DPP10: variants seen among roughly 807,000 people sequenced by gnomAD.
DPP10 encodes dipeptidyl peptidase like 10, also known as inactive dipeptidyl peptidase 10.
Under a neutral mutation model 120.9 loss-of-function variants are expected in DPP10, and 33 were observed. The observed-to-expected ratio is 0.27, with a 90% confidence interval of 0.21 to 0.37. The LOEUF (loss-of-function observed/expected upper bound fraction) is 0.37, where lower values mean the gene tolerates loss of function less well. Ranked by LOEUF, DPP10 falls within the 10% of genes least tolerant of loss-of-function variation. DPP10 has a pLI of 1.00. For synonymous variants in DPP10, 337 were observed against 326.1 expected, an observed-to-expected ratio of 1.03 and a Z score of -0.36; for missense variants, 816 against 942.8, an observed-to-expected ratio of 0.87 and a Z score of 1.76.
At chr2:115,439,918 A>G (rs1332655188) in intron 3 of DPP10, among the ~76,000 whole-genome samples, 5 of 152,172 alleles carry the variant, frequency 3.3e-5, no homozygotes, top group African/African-American at 4.8e-5. Context: ...CCGCCTTTCT[A>G]AAGTCTAGAT....
intron 1 of DPP10, among the ~76,000 whole-genome samples, chr2:115,240,205 T>G (rs1272476548): frequency 6.6e-6 from 1 of 152,184 alleles, no homozygotes; most frequent in Non-Finnish European, 1.5e-5. Context: ...TTGAACTAAT[T>G]TGCACTCCCA....
intron 1 of DPP10, among the ~76,000 whole-genome samples, chr2:114,842,275 C>T (rs980899378): frequency 5.9e-5 from 9 of 152,058 alleles, no homozygotes; most frequent in Admixed American, 5.9e-4. Context: ...CCAGAAGGCA[C>T]TAATGGCTAG....
At chr2:115,826,578 G>A (rs1204760208) in intron 21 of DPP10, among the ~76,000 whole-genome samples, 2 of 151,996 alleles carry the variant, frequency 1.3e-5, no homozygotes, top group East Asian at 1.9e-4. Context: ...AAAATTAGCC[G>A]GGCATGATGG....
intron 3 of DPP10, among the ~76,000 whole-genome samples, chr2:115,457,430 A>C (rs1291505646): frequency 6.6e-6 from 1 of 152,258 alleles, no homozygotes; most frequent in South Asian, 2.1e-4. Context: ...TAAGAGAATG[A>C]AAAGTCAGGG....
chr2:115,586,497 G>A (rs2082298917), intron 5 of DPP10, among the ~76,000 whole-genome samples: 1 of 152,130 alleles, frequency 6.6e-6, no homozygotes, highest in African/African-American at 2.4e-5. Flanking sequence ...GCAAATGCAT[G>A]TACAATTTTG....
chr2:115,631,037 CT>C (rs58468918), intron 5 of DPP10, among the ~76,000 whole-genome samples: 8,810 of 106,502 alleles, frequency 0.083, 131 homozygotes, highest in East Asian at 0.13. Context: ...TGATCCTGGG[CT>C]TTTTTTTTTT....
chr2:115,456,608 C>T (rs2073565715), intron 3 of DPP10, among the ~76,000 whole-genome samples: 1 of 152,134 alleles, frequency 6.6e-6, no homozygotes, highest in Non-Finnish European at 1.5e-5. Flanking sequence ...GGCCCATATA[C>T]ACCATGGAAT....
intron 3 of DPP10, among the ~76,000 whole-genome samples, chr2:115,355,208 C>T (rs1559474770): frequency 6.6e-6 from 1 of 152,174 alleles, no homozygotes; most frequent in Non-Finnish European, 1.5e-5. Flanking sequence ...TTCTCCACAG[C>T]CTCAGCAGCA....
At chr2:115,183,191 A>G (rs1423602523) in intron 1 of DPP10, among the ~76,000 whole-genome samples, 1 of 152,202 alleles carries the variant, frequency 6.6e-6, no homozygotes, top group East Asian at 1.9e-4. Flanking sequence ...CTACTGCTGT[A>G]ATGTGATGGT....
Position 115,648,528 on chromosome 2 carries a change from T to C in DPP10, c.442-41159T>C, listed in dbSNP as rs543944770. On this transcript the variant is annotated intron_variant, in intron 5 of 25. Coordinates refer to ENST00000410059, the MANE Select transcript of DPP10 (RefSeq NM_020868.6). ...AAATAATCATCTCTTACCCAGGTGA[T>C]GGGTTCTTAGGTGCAGCAAACCACC... 2.0e-5 allele frequency among the ~76,000 whole-genome samples: 3 copies of C among 151,920 alleles called. No individual in the cohort carries two copies. The South Asian group carries it at 6.2e-4, about 32-fold the overall frequency.
chr2:115,525,469 A>G (rs2078072477), intron 4 of DPP10, among the ~76,000 whole-genome samples: 1 of 152,112 alleles, frequency 6.6e-6, no homozygotes, highest in Non-Finnish European at 1.5e-5. Context: ...ATCTTTTTAA[A>G]TATAAACATT....
At chr2:114,897,829 A>T (rs1415993832) in intron 1 of DPP10, among the ~76,000 whole-genome samples, 1 of 152,140 alleles carries the variant, frequency 6.6e-6, no homozygotes, top group Non-Finnish European at 1.5e-5. Context: ...AATGGCAATC[A>T]TTAAAAAGTC....
chr2:114,713,924 G>A (rs185037438), intron 1 of DPP10, among the ~76,000 whole-genome samples: 1 of 151,644 alleles, frequency 6.6e-6, no homozygotes, highest in Admixed American at 6.6e-5. Flanking sequence ...GGCGGAGGTT[G>A]CAGTGAGCCG....
At chr2:114,570,394 AACATATCT>A (rs1689539207) in intron 1 of DPP10, among the ~76,000 whole-genome samples, 2 of 152,122 alleles carry the variant, frequency 1.3e-5, no homozygotes, top group Non-Finnish European at 2.9e-5. Flanking sequence ...AAATCCAACC[AACATATCT>A]AGAAGCTGTC....
intron 2 of DPP10, among the ~76,000 whole-genome samples, chr2:115,310,827 G>T (rs539568840): frequency 6.6e-6 from 1 of 152,156 alleles, no homozygotes; most frequent in African/African-American, 2.4e-5. Flanking sequence ...TCTATTGATG[G>T]CTATTAGCCA....
chr2:114,788,944 T>C (rs566174372), intron 1 of DPP10, among the ~76,000 whole-genome samples: 14 of 152,266 alleles, frequency 9.2e-5, no homozygotes, highest in African/African-American at 3.1e-4. Flanking sequence ...CTGAGGATAA[T>C]AAAGTGGATG....
At chr2:115,836,308 C>T (rs775556720) in intron 22 of DPP10, 52 bp downstream of exon 22, 69 of 1,523,616 alleles carry the variant, frequency 4.5e-5, no homozygotes, top group African/African-American at 9.8e-5. Context: ...TTGTAGAAAA[C>T]GAAAGCCCAA....
chr2:114,456,038 A>C (rs1289221426), intron 1 of DPP10, among the ~76,000 whole-genome samples: 1 of 152,136 alleles, frequency 6.6e-6, no homozygotes, highest in Non-Finnish European at 1.5e-5. Flanking sequence ...ATATACAGGC[A>C]CTTGACTATC....
At chr2:115,534,135 G>A (rs1468611785) in intron 5 of DPP10, among the ~76,000 whole-genome samples, 2 of 150,994 alleles carry the variant, frequency 1.3e-5, no homozygotes, top group Non-Finnish European at 2.9e-5. Flanking sequence ...TATACTTCAA[G>A]TTTTAGGGTA....
Sources: allele counts gnomAD v4.1 joint callset (sites outside exome capture counted in the v4.1 genomes callset), GRCh38; gene constraint gnomAD v4.1.1; transcripts MANE v1.5; gene names NCBI Gene and HGNC (gene_info 2026-07-23, HGNC 2026-07-21).